SI: variants seen among roughly 807,000 people sequenced by gnomAD.
The protein encoded by SI is sucrase-isomaltase, intestinal.
SI carries 235 observed loss-of-function variants against 253.3 expected under a neutral mutation model. The ratio of observed to expected loss-of-function variants is 0.93; its 90% CI spans 0.83 to 1.03. The LOEUF (loss-of-function observed/expected upper bound fraction) is 1.03. SI is among the 50% of genes least tolerant of loss of function. The probability of loss-of-function intolerance (pLI) is 0.00; values close to 1 mark genes in which losing one functional copy is unlikely to be tolerated. For missense variants in SI, 2,442 were observed against 2,211.1 expected (o/e 1.10, Z -2.09); for synonymous variants, 819 against 712.0 (o/e 1.15, Z -2.39).
chr3:165,021,568 G>A (rs1234108543), intron 26 of SI, among the ~76,000 whole-genome samples, 185 bp from the exon 27 acceptor site: 1 of 151,114 alleles, frequency 6.6e-6, no homozygotes, highest in Non-Finnish European at 1.5e-5. Context: ...ATTTATAATG[G>A]GTCCTAACTG....
chr3:165,015,906 T>G, intron 32 of SI, 46 bp downstream of exon 32: 1 of 1,549,606 alleles, frequency 6.5e-7, no homozygotes, highest in Non-Finnish European at 8.9e-7. Flanking sequence ...TTTAGGTGAA[T>G]TAATGGAAAC....
chr3:165,030,658 C>G lies in SI; in HGVS notation c.2892+54G>C, dbSNP rs1712178628. On this transcript the variant is annotated intron_variant, in intron 25 of 47. Transcript: ENST00000264382. ...AAAATTATAATATGTAAAATTTGCA[C>G]CAAAATGCTTATGTGATAACCATAT... The G allele has an allele frequency of 3.2e-6, 5 of 1,554,050 alleles. No individual in the cohort carries two copies. The Admixed American group carries it at 8.5e-5, about 27-fold the overall frequency.
intron 13 of SI, 107 bp from the exon 14 acceptor site, chr3:165,049,982 C>T (rs1416139382): frequency 2.8e-6 from 2 of 719,214 alleles, no homozygotes; most frequent in Non-Finnish European, 5.0e-6. Context: ...AACCATAATG[C>T]TCGTTAATTC....
chr3:164,987,863 T>C (rs569546767), intron 44 of SI, among the ~76,000 whole-genome samples: 51 of 152,332 alleles, frequency 3.3e-4, no homozygotes, highest in African/African-American at 1.2e-3. Flanking sequence ...TGGGTAATCC[T>C]GTCATTAACC....
chr3:165,048,471 C>T (rs1713242911), intron 15 of SI, among the ~76,000 whole-genome samples: 1 of 149,820 alleles, frequency 6.7e-6, no homozygotes, highest in African/African-American at 2.4e-5. Flanking sequence ...GCTTAAAACA[C>T]AGTTATATTC....
At chr3:164,981,421 A>T (rs192722211) in intron 47 of SI, among the ~76,000 whole-genome samples, 151 of 152,012 alleles carry the variant, frequency 9.9e-4, no homozygotes, top group Middle Eastern at 3.4e-3. Flanking sequence ...ATATATATAT[A>T]TTTTTTTAGG....
intron 7 of SI, among the ~76,000 whole-genome samples, chr3:165,064,668 C>A (rs982255209): frequency 6.6e-6 from 1 of 151,828 alleles, no homozygotes; most frequent in Non-Finnish European, 1.5e-5. Context: ...TATACTAAGT[C>A]AAGTATAAAG....
upstream of SI, among the ~76,000 whole-genome samples, chr3:165,083,442 T>C (rs369049024): frequency 6.6e-6 from 1 of 151,920 alleles, no homozygotes; most frequent in East Asian, 1.9e-4. Flanking sequence ...TTGGAGATAG[T>C]GGAGTAAAAA....
chr3:165,028,330 G>A (rs1214282302), intron 25 of SI, among the ~76,000 whole-genome samples: 1 of 151,374 alleles, frequency 6.6e-6, no homozygotes, highest in Non-Finnish European at 1.5e-5. Flanking sequence ...GCTCATGGAT[G>A]GATAGAAAGA....
chr3:165,002,571 CTT>C (rs1448488755), intron 37 of SI, among the ~76,000 whole-genome samples: 1 of 151,640 alleles, frequency 6.6e-6, no homozygotes, highest in African/African-American at 2.4e-5. Context: ...GTCTGTATAA[CTT>C]GAGAAAAAAA....
intron 4 of SI, 74 bp downstream of exon 4, chr3:165,069,004 T>A: frequency 1.8e-6 from 2 of 1,118,708 alleles, no homozygotes; most frequent in Non-Finnish European, 2.7e-6. Flanking sequence ...TTTGATTCTA[T>A]TTAAGGTATT....
At chr3:164,984,585 C>T (rs1429418633) in intron 45 of SI, among the ~76,000 whole-genome samples, 2 of 152,066 alleles carry the variant, frequency 1.3e-5, no homozygotes, top group South Asian at 4.1e-4. Context: ...AAAGATCTCA[C>T]ATATGATCTT....
upstream of SI, among the ~76,000 whole-genome samples, chr3:165,080,173 A>T (rs191666334): frequency 5.3e-5 from 8 of 152,124 alleles, no homozygotes; most frequent in African/African-American, 1.4e-4. Context: ...GATAAATCTT[A>T]TATTTCAGAT....
At chr3:165,083,011 T>A (rs762442696), upstream of SI, among the ~76,000 whole-genome samples, 1 of 151,950 alleles carries the variant, frequency 6.6e-6, no homozygotes, top group African/African-American at 2.4e-5. Context: ...ATAATCTTTG[T>A]TCAGGACACT....
At chr3:165,071,587 T>A (rs1022687167) in intron 3 of SI, among the ~76,000 whole-genome samples, 3 of 152,026 alleles carry the variant, frequency 2.0e-5, no homozygotes, top group Non-Finnish European at 4.4e-5. Flanking sequence ...CCGAAATTCA[T>A]ATGTTGAAGC....
rs761508731 is a variant in SI, at chr3:165,063,478, ACTTTC to A, written c.866_870del (p.Gly289ValfsTer9). On this transcript the variant is annotated frameshift_variant, in exon 8 of 48. Transcript: ENST00000264382. LOFTEE classifies it high-confidence loss of function. Reference sequence around the variant, plus strand: ...CTATTCATTAAAAAAACACCGAATGACTTTCCAGATGTATCTTCAATACACATAAA... The same window carrying A: ...CTATTCATTAAAAAAACACCGAATGACAGATGTATCTTCAATACACATAAA... The A allele has an allele frequency of 1.9e-6, 3 of 1,562,662 alleles. No individual in the cohort carries two copies. The African/African-American group carries it at 4.1e-5, about 21-fold the overall frequency.
At chr3:165,030,624 T>C in intron 25 of SI, 88 bp downstream of exon 25, 1 of 1,357,722 alleles carries the variant, frequency 7.4e-7, no homozygotes, top group South Asian at 1.2e-5. Context: ...GTTTATATGC[T>C]GCAGATTTAA....
the SI span, among the ~76,000 whole-genome samples, chr3:165,087,386 G>A: frequency 8.8e-4 from 134 of 152,210 alleles, no homozygotes; most frequent in Middle Eastern, 3.4e-3. Context: ...TAAGGGAATG[G>A]TCAAGAGAAT....
intron 12 of SI, 88 bp downstream of exon 12, chr3:165,058,875 C>CACACACACACAT: frequency 9.5e-7 from 1 of 1,054,992 alleles, no homozygotes. Context: ...CACACACACA[C>CACACACACACAT]ACACACACAC....
Sources: gnomAD v4.1 joint callset for allele counts (sites outside exome capture counted in the v4.1 genomes callset) on GRCh38, gnomAD v4.1.1 for gene constraint, MANE v1.5 for transcripts, NCBI Gene and HGNC (gene_info 2026-07-23, HGNC 2026-07-21) for gene names.